Variants in TLN2 observed in about 807,000 individuals in gnomAD.
The protein encoded by TLN2 is talin 2, also known as talin-2.
TLN2 carries 118 observed loss-of-function variants against 294.7 expected under a neutral mutation model. That is an observed-to-expected ratio of 0.40 (90% CI 0.34 to 0.47). TLN2 has a LOEUF of 0.47. Ranked by LOEUF, TLN2 falls within the 20% of genes least tolerant of loss-of-function variation. TLN2 has a pLI of 0.84. For missense variants in TLN2, 3,083 were observed against 3,282.2 expected, an observed-to-expected ratio of 0.94 and a Z score of 1.48; for synonymous variants, 1,431 against 1,304.5, an observed-to-expected ratio of 1.10 and a Z score of -2.09.
chr15:62,600,616 G>C (rs1319848015), intron 2 of TLN2, among the ~76,000 whole-genome samples: 1 of 152,184 alleles, frequency 6.6e-6, no homozygotes, highest in East Asian at 1.9e-4. Context: ...ACTGAGAGGA[G>C]TGGGAATGGA....
chr15:62,570,349 A>C (rs1410633387), intron 1 of TLN2, among the ~76,000 whole-genome samples: 2 of 152,214 alleles, frequency 1.3e-5, no homozygotes. Context: ...GGAAAAAAGC[A>C]AATATTTGTC....
intron 11 of TLN2, among the ~76,000 whole-genome samples, chr15:62,677,806 C>CTT (rs3055781): frequency 1.5e-4 from 11 of 75,270 alleles, no homozygotes; most frequent in South Asian, 6.0e-4. Context: ...GCACTTGCAA[C>CTT]TTTTTTTTTT....
intron 17 of TLN2, 31 bp from the exon 18 acceptor site, chr15:62,701,961 C>G: frequency 1.2e-6 from 2 of 1,611,016 alleles, no homozygotes. Context: ...ATGTGCCCTC[C>G]TTTGATGGGG....
Position 62,615,533 on chromosome 15 carries a change from C to T in TLN2, c.-161-2818C>T, listed in dbSNP as rs74882801. 4.0e-4 allele frequency among the ~76,000 whole-genome samples: 61 copies of T among 152,290 alleles called. 2 individuals are homozygous for T. The East Asian group carries it at 0.011, about 26-fold the overall frequency. On this transcript the variant is annotated intron_variant, in intron 2 of 58. Coordinates refer to ENST00000636159, the MANE Select transcript of TLN2 (RefSeq NM_015059.3). ...ATGCATCTTGTAGGAAATCAAAACA[C>T]AGCAAACTAGAAACCATTTGTAAAG...
chr15:62,694,533 G>A (rs746494919), intron 14 of TLN2, 141 bp downstream of exon 14: 59 of 660,376 alleles, frequency 8.9e-5, no homozygotes, highest in Non-Finnish European at 1.5e-4. Context: ...TTCTTCAAGC[G>A]TGGTCCCCAG....
At chr15:62,825,116 C>T (rs2067929996) in intron 54 of TLN2, among the ~76,000 whole-genome samples, 1 of 152,116 alleles carries the variant, frequency 6.6e-6, no homozygotes. Context: ...GATCCTGTCT[C>T]TGGAATCCTT....
rs890544857 is a variant in TLN2, at chr15:62,716,390, A to G, written c.2694A>G (p.Glu898=). ...DQQQRLREAA[E]GLRVATNAAA... ...AGCAAAGGCTGAGAGAAGCTGCAGA[A>G]GGCCTCCGGGTAGCAACCAACGCAG... The change falls in exon 23 of 59, where the codon GAA becomes GAG. Residue 898 remains glutamate, a synonymous_variant. Transcript: ENST00000636159. The G allele has an allele frequency of 2.5e-6, 4 of 1,611,442 alleles. No individual in the cohort carries two copies. In the African/African-American group the frequency reaches 5.4e-5, roughly 22 times the overall value.
chr15:62,762,424 C>T lies in TLN2; in HGVS notation c.4932C>T (p.Asp1644=), dbSNP rs375082786. Residue 1644 remains aspartate (D), a synonymous_variant, in exon 39 of 59, where the codon GAC becomes GAT. Transcript: ENST00000636159. Reference sequence around the variant, plus strand: ...CTGGACATTCCCATACAGTGTCCGACTCCATCAAGAGTCTCATCACTTCTA... The same window carrying T: ...CTGGACATTCCCATACAGTGTCCGATTCCATCAAGAGTCTCATCACTTCTA... ...VLAGHSHTVS[D]SIKSLITSIR... 225 of 1,614,178 alleles carry T rather than the reference C, an allele frequency of 1.4e-4. No individual in the cohort carries two copies. The Middle Eastern group carries it at 2.7e-3, about 19-fold the overall frequency.
intron 48 of TLN2, among the ~76,000 whole-genome samples, chr15:62,798,944 C>T (rs753026765): frequency 9.8e-5 from 15 of 152,292 alleles, no homozygotes; most frequent in Non-Finnish European, 1.0e-4. Context: ...CCCAGCTACT[C>T]GGGAGGCTGA....
At position 62,548,969 on chromosome 15, in the gene TLN2, T is replaced by C. The variant is rs187404248; in HGVS notation, c.-237-40718T>C. On this transcript the variant is annotated intron_variant, in intron 1 of 58. Coordinates refer to ENST00000636159, the MANE Select transcript of TLN2 (RefSeq NM_015059.3). ...GGAGTTATTACTGTATCTGTCTTGG[T>C]CCTTGATAGGAGTGTGTAATGGTTT... 6.0e-4 allele frequency among the ~76,000 whole-genome samples: 92 copies of C among 152,342 alleles called. 1 individual carries two copies. Among genetic ancestry groups the C allele is most frequent in the African/African-American group, 2.1e-3 (88 of 41,582 alleles).
intron 1 of TLN2, among the ~76,000 whole-genome samples, chr15:62,549,504 C>T (rs1476197523): frequency 6.6e-6 from 1 of 151,698 alleles, no homozygotes; most frequent in Non-Finnish European, 1.5e-5. Context: ...ATCCATCCAT[C>T]CATCCATCCA....
intron 9 of TLN2, among the ~76,000 whole-genome samples, chr15:62,659,578 C>T (rs950576546): frequency 6.6e-6 from 1 of 152,224 alleles, no homozygotes; most frequent in Non-Finnish European, 1.5e-5. Context: ...CACACTCACA[C>T]TCCAGCAACA....
At chr15:62,724,158 A>G (rs948677290) in intron 26 of TLN2, among the ~76,000 whole-genome samples, 24 of 152,274 alleles carry the variant, frequency 1.6e-4, no homozygotes, top group African/African-American at 5.1e-4. Flanking sequence ...CCAAAAAAAT[A>G]GAAAAAAGAG....
chr15:62,555,964 G>T, intron 1 of TLN2, among the ~76,000 whole-genome samples: 1 of 146,656 alleles, frequency 6.8e-6, no homozygotes. Flanking sequence ...TCATCCTAAA[G>T]GTTTTTCTCT....
At chr15:62,461,568 A>G (rs2036807989) in intron 1 of TLN2, among the ~76,000 whole-genome samples, 2 of 152,186 alleles carry the variant, frequency 1.3e-5, no homozygotes, top group South Asian at 4.1e-4. Flanking sequence ...TAGTGCATTC[A>G]TTTATTGAGT....
intron 24 of TLN2, among the ~76,000 whole-genome samples, chr15:62,719,105 C>T (rs918844003): frequency 5.3e-5 from 8 of 152,092 alleles, no homozygotes; most frequent in South Asian, 2.1e-4. Flanking sequence ...GAAGGAGGTG[C>T]GGGCACAGAA....
At chr15:62,768,280 C>T (rs78353227) in intron 41 of TLN2, among the ~76,000 whole-genome samples, 2 of 152,188 alleles carry the variant, frequency 1.3e-5, no homozygotes, top group African/African-American at 4.8e-5. Context: ...GTGCAGTCTA[C>T]AGAGACTGTA....
chr15:62,473,564 T>C (rs2140366859), intron 1 of TLN2, among the ~76,000 whole-genome samples: 1 of 152,314 alleles, frequency 6.6e-6, no homozygotes, highest in Non-Finnish European at 1.5e-5. Flanking sequence ...TGCTTATTAT[T>C]CTTATTTTGA....
At chr15:62,458,736 T>C (rs1057001176) in intron 1 of TLN2, among the ~76,000 whole-genome samples, 2 of 151,884 alleles carry the variant, frequency 1.3e-5, no homozygotes. Flanking sequence ...ACTGCTGCAC[T>C]CCAACCTGGG....
Sources: allele counts gnomAD v4.1 joint callset (sites outside exome capture counted in the v4.1 genomes callset), GRCh38; gene constraint gnomAD v4.1.1; transcripts MANE v1.5; gene names NCBI Gene and HGNC (gene_info 2026-07-23, HGNC 2026-07-21).